Variants in ZYG11B observed in about 807,000 individuals in gnomAD.
ZYG11B encodes the protein zyg-11 family member B, cell cycle regulator.
A neutral mutation model predicts 82.4 loss-of-function variants in ZYG11B; 36 were observed. The ratio of observed to expected loss-of-function variants is 0.44; its 90% CI spans 0.33 to 0.58. The LOEUF (loss-of-function observed/expected upper bound fraction) is 0.58, where lower values mean the gene tolerates loss of function less well. Ranked by LOEUF, ZYG11B falls within the 20% of genes least tolerant of loss-of-function variation. The pLI is 0.02. For synonymous variants in ZYG11B, 303 were observed against 312.8 expected, an observed-to-expected ratio of 0.97 and a Z score of 0.33; for missense variants, 552 against 895.6, an observed-to-expected ratio of 0.62 and a Z score of 4.90.
intron 1 of ZYG11B, among the ~76,000 whole-genome samples, chr1:52,748,727 G>A (rs574847328): frequency 6.6e-6 from 1 of 151,968 alleles, no homozygotes; most frequent in South Asian, 2.1e-4. Context: ...GCTGGGCGTG[G>A]TGCACGCGCC....
intron 3 of ZYG11B, chr1:52,772,527 G>C (rs974218205): frequency 6.2e-7 from 1 of 1,609,438 alleles, no homozygotes; most frequent in Non-Finnish European, 8.5e-7. Flanking sequence ...GCCCTTCTTG[G>C]CCAGTTTGTA....
intron 1 of ZYG11B, among the ~76,000 whole-genome samples, chr1:52,733,586 A>G (rs1216540587): frequency 6.6e-6 from 1 of 152,098 alleles, no homozygotes; most frequent in African/African-American, 2.4e-5. Flanking sequence ...GCTTGAGCCT[A>G]GGAGGTTGAA....
chr1:52,779,766 A>T (rs1644839784), intron 3 of ZYG11B, 87 bp from the exon 4 acceptor site: 1 of 1,534,226 alleles, frequency 6.5e-7, no homozygotes. Context: ...CTGGGATTAC[A>T]GGCGTGAGCC....
At position 52,763,193 on chromosome 1, in the gene ZYG11B, C is replaced by T. The variant is rs183826008; in HGVS notation, c.196+6570C>T. 5.3e-5 allele frequency among the ~76,000 whole-genome samples: 8 copies of T among 152,198 alleles called. No individual in the cohort carries two copies. In the East Asian group the frequency reaches 1.5e-3, roughly 29 times the overall value. On this transcript the variant is annotated intron_variant, in intron 2 of 13. Coordinates refer to ENST00000294353, the MANE Select transcript of ZYG11B (RefSeq NM_024646.3). ...TGTTGGTAATTTGCTGTTTTGGTTA[C>T]TATAGCTTTATAGTATATTTTGAAG...
At chr1:52,811,623 T>G (rs1645183491) in intron 10 of ZYG11B, among the ~76,000 whole-genome samples, 1 of 152,216 alleles carries the variant, frequency 6.6e-6, no homozygotes, top group Admixed American at 6.5e-5. Context: ...TTTATTTCTC[T>G]GTTGTTTAGT....
At chr1:52,774,128 T>A (rs553633563) in intron 3 of ZYG11B, among the ~76,000 whole-genome samples, 1 of 118,848 alleles carries the variant, frequency 8.4e-6, no homozygotes, top group African/African-American at 3.4e-5. Flanking sequence ...AATCACTGTT[T>A]TACAATAACT....
chr1:52,793,868 T>TTCCTTTCCTTCCTTCC (rs1644979935), intron 6 of ZYG11B, among the ~76,000 whole-genome samples: 2 of 95,434 alleles, frequency 2.1e-5, no homozygotes, highest in African/African-American at 8.5e-5. Flanking sequence ...CTTTTCTTTC[T>TTCCTTTCCTTCCTTCC]TTCCTTCCTT....
chr1:52,782,807 G>A (rs996466478), intron 4 of ZYG11B, among the ~76,000 whole-genome samples: 1 of 151,986 alleles, frequency 6.6e-6, no homozygotes, highest in African/African-American at 2.4e-5. Context: ...TTTTTGTAGA[G>A]GCAGGTTCTT....
chr1:52,742,303 T>G (rs1228568232), intron 1 of ZYG11B, among the ~76,000 whole-genome samples: 1 of 151,868 alleles, frequency 6.6e-6, no homozygotes, highest in Non-Finnish European at 1.5e-5. Flanking sequence ...AAACAAAAAA[T>G]TAGCCAGACA....
At chr1:52,764,891 CTG>C in intron 2 of ZYG11B, among the ~76,000 whole-genome samples, 1 of 152,238 alleles carries the variant, frequency 6.6e-6, no homozygotes, top group South Asian at 2.1e-4. Context: ...CCCAGGAGTT[CTG>C]GAGTATTTCC....
chr1:52,813,683 C>G lies in ZYG11B; in HGVS notation c.1843C>G (p.Gln615Glu), dbSNP rs1284983177. 6.2e-7 allele frequency: 1 copy of G among 1,614,000 alleles called. No individual in the cohort carries two copies. The highest frequency in any genetic ancestry group is 8.5e-7 in the Non-Finnish European group (1 of 1,180,044). Residue 615 changes from glutamine to glutamate, a missense_variant, in exon 11 of 14, where the codon CAA (glutamine) becomes GAA (glutamate). Physicochemically the swap from Gln to Glu is conservative, Grantham distance 29. Coordinates refer to ENST00000294353, the MANE Select transcript of ZYG11B (RefSeq NM_024646.3). ...TGCCCATTTAATATCCAGAGGTGAACAAGCTTGGACATTGAGTCGTAGCCA... is the reference window on the plus strand; with the variant it reads ...TGCCCATTTAATATCCAGAGGTGAAGAAGCTTGGACATTGAGTCGTAGCCA... ...IIAHLISRGE[Q>E]AWTLSRSQRN...
chr1:52,791,234 A>G (rs964936573), intron 6 of ZYG11B, among the ~76,000 whole-genome samples: 1 of 152,152 alleles, frequency 6.6e-6, no homozygotes, highest in Non-Finnish European at 1.5e-5. Context: ...CAGCCTCCCA[A>G]AGTGCTGGGA....
intron 3 of ZYG11B, among the ~76,000 whole-genome samples, chr1:52,773,621 A>ATT (rs1571767999): frequency 7.7e-5 from 2 of 25,980 alleles, no homozygotes; most frequent in East Asian, 1.2e-3. Context: ...ATATATATAT[A>ATT]TATATATTTT....
At chr1:52,803,219 TATATACACACATATATATATAC>T (rs1645105216) in intron 10 of ZYG11B, among the ~76,000 whole-genome samples, 3 of 85,200 alleles carry the variant, frequency 3.5e-5, no homozygotes, top group African/African-American at 2.8e-4. Flanking sequence ...CACATATATA[TATATACACACATATATATATAC>T]ACACACACAT....
In ZYG11B at chr1:52,803,229, C is replaced by T. The variant is rs998472935; in HGVS notation, c.1695+1090C>T. Reference sequence around the variant, plus strand: ...ACACACACATATATATATATACACACATATATATATACACACACACATATA... The same window carrying T: ...ACACACACATATATATATATACACATATATATATATACACACACACATATA... On this transcript the variant is annotated intron_variant, in intron 10 of 13. Transcript: ENST00000294353. Among the ~76,000 whole-genome samples, 219 of 65,088 alleles carry T rather than the reference C, an allele frequency of 3.4e-3. 9 individuals carry two copies. The East Asian group carries it at 0.035, about 10-fold the overall frequency. The allele number at this position is 65,088 out of a possible 152,430, so 42.7% of individuals were successfully genotyped here.
intron 13 of ZYG11B, among the ~76,000 whole-genome samples, chr1:52,818,083 C>T (rs1452159018): frequency 3.3e-5 from 5 of 151,184 alleles, no homozygotes; most frequent in Non-Finnish European, 5.9e-5. Flanking sequence ...GGTGATCCAC[C>T]GACCTCGGCC....
chr1:52,763,110 G>A (rs1463143519), intron 2 of ZYG11B, among the ~76,000 whole-genome samples: 1 of 151,962 alleles, frequency 6.6e-6, no homozygotes, highest in Admixed American at 6.6e-5. Flanking sequence ...TCGTAGATAC[G>A]TGAATTAATT....
Position 52,793,868 on chromosome 1 carries a change from T to TTTCTTTCCTTCCTTCCTTCC in ZYG11B, c.1335-2421_1335-2420insTTTCCTTCCTTCCTTCCTTC, listed in dbSNP as rs1553261659. On this transcript the variant is annotated intron_variant, in intron 6 of 13. Transcript: ENST00000294353. ...TTTCTTTCTTTCTTCCTTTTCTTTC[T>TTTCTTTCCTTCCTTCCTTCC]TTCCTTCCTTCCTTCCTTCCTTCCT... is the stretch of plus-strand genomic sequence containing the variant. 2.9e-3 allele frequency among the ~76,000 whole-genome samples: 276 copies of TTTCTTTCCTTCCTTCCTTCC among 95,474 alleles called. 2 individuals carry two copies. The highest frequency in any genetic ancestry group is 0.014 in the East Asian group (32 of 2,346). The allele number at this position is 95,474 out of a possible 152,430, so 62.6% of individuals were successfully genotyped here. A position where few individuals can be genotyped will look rare whatever the true frequency, so the allele number is the denominator to read the frequency against.
chr1:52,775,589 G>A (rs1644796941), intron 3 of ZYG11B, among the ~76,000 whole-genome samples: 1 of 152,114 alleles, frequency 6.6e-6, no homozygotes, highest in African/African-American at 2.4e-5. Flanking sequence ...TATTCAGGAG[G>A]CTGAGGCAGG....
Sources: gnomAD v4.1 joint callset for allele counts (sites outside exome capture counted in the v4.1 genomes callset) on GRCh38, gnomAD v4.1.1 for gene constraint, MANE v1.5 for transcripts, NCBI Gene and HGNC (gene_info 2026-07-23, HGNC 2026-07-21) for gene names.